Variants in SLC22A14 observed in about 807,000 individuals in gnomAD.
The protein encoded by SLC22A14 is organic cation transporter-like 4.
In SLC22A14, 50 loss-of-function variants were observed where a neutral mutation model predicts 53.9. The ratio of observed to expected loss-of-function variants is 0.93; its 90% CI spans 0.74 to 1.17. The LOEUF (loss-of-function observed/expected upper bound fraction) is 1.17, where lower values mean the gene tolerates loss of function less well. Among genes scored for constraint, SLC22A14 ranks in the 50% most tolerant of loss-of-function variants. SLC22A14 has a pLI of 0.00. For synonymous variants in SLC22A14, 312 were observed against 303.0 expected, an observed-to-expected ratio of 1.03 and a Z score of -0.31; for missense variants, 671 against 734.7, an observed-to-expected ratio of 0.91 and a Z score of 1.00.
At chr3:38,299,534 C>T (rs1704114273) in intron 1 of SLC22A14, among the ~76,000 whole-genome samples, 1 of 152,172 alleles carries the variant, frequency 6.6e-6, no homozygotes, top group Non-Finnish European at 1.5e-5. Context: ...AATGAATAGA[C>T]ATTTTCCTCA....
chr3:38,308,613 A>AT (rs1704380849), intron 4 of SLC22A14, among the ~76,000 whole-genome samples: 1 of 152,210 alleles, frequency 6.6e-6, no homozygotes, highest in Admixed American at 6.5e-5. Flanking sequence ...AACAAGGACA[A>AT]TGATTCCTTG....
chr3:38,289,782 C>T (rs1003802063), intron 1 of SLC22A14, among the ~76,000 whole-genome samples: 2 of 152,276 alleles, frequency 1.3e-5, no homozygotes, highest in Non-Finnish European at 2.9e-5. Flanking sequence ...TCTGCAACAG[C>T]GACAAACAGC....
chr3:38,288,531 CT>C (rs1703839324), intron 1 of SLC22A14, among the ~76,000 whole-genome samples: 1 of 152,196 alleles, frequency 6.6e-6, no homozygotes, highest in African/African-American at 2.4e-5. Flanking sequence ...TGGCTACACC[CT>C]TTTACATTCC....
In SLC22A14 at chr3:38,316,496, G is replaced by A. The variant is rs113778244; in HGVS notation, c.1705G>A (p.Glu569Lys). Residue 569 changes from glutamate (E) to lysine (K), a missense_variant, in exon 10 of 11, where the codon GAG becomes AAG. Coordinates refer to ENST00000448498, the MANE Select transcript of SLC22A14 (RefSeq NM_001320033.2). ...LPETRDQPLSESLNHSSQIRN... is the reference protein window; with the variant it reads ...LPETRDQPLSKSLNHSSQIRN... Reference sequence around the variant, plus strand: ...GGAAACGCGAGATCAGCCCCTCTCCGAGAGCCTGAACCACTCCTCACAGAT... The same window carrying A: ...GGAAACGCGAGATCAGCCCCTCTCCAAGAGCCTGAACCACTCCTCACAGAT... The A allele has an allele frequency of 2.3e-4, 373 of 1,614,076 alleles. No individual in the cohort carries two copies. The African/African-American group carries it at 4.2e-3, about 18-fold the overall frequency.
At chr3:38,314,692 G>A (rs1704574378) in intron 8 of SLC22A14, among the ~76,000 whole-genome samples, 1 of 152,200 alleles carries the variant, frequency 6.6e-6, no homozygotes, top group South Asian at 2.1e-4. Flanking sequence ...CTCCAGGGCT[G>A]GAATTGTGTG....
At chr3:38,283,765 G>A (rs1388940014) in intron 1 of SLC22A14, among the ~76,000 whole-genome samples, 2 of 150,874 alleles carry the variant, frequency 1.3e-5, no homozygotes, top group Non-Finnish European at 3.0e-5. Context: ...AGGAAGCAGA[G>A]GGTGCAGTAA....
At chr3:38,313,585 C>T (rs1704534088) in intron 7 of SLC22A14, 100 bp downstream of exon 7, 1 of 1,003,932 alleles carries the variant, frequency 1.0e-6, no homozygotes. Context: ...GGAGGCAGCC[C>T]AAGGACACAG....
At chr3:38,311,980 G>A (rs927171563) in intron 5 of SLC22A14, among the ~76,000 whole-genome samples, 1 of 152,156 alleles carries the variant, frequency 6.6e-6, no homozygotes, top group Non-Finnish European at 1.5e-5. Flanking sequence ...CTTTCTTTAG[G>A]AGAGTTCCAC....
At chr3:38,281,757 A>T (rs1350184009), upstream of SLC22A14, among the ~76,000 whole-genome samples, 1 of 152,212 alleles carries the variant, frequency 6.6e-6, no homozygotes, top group Non-Finnish European at 1.5e-5. Flanking sequence ...TTGAGGTCCT[A>T]AGTACATGCT....
chr3:38,289,456 T>G (rs1423248336), intron 1 of SLC22A14, among the ~76,000 whole-genome samples: 1 of 152,100 alleles, frequency 6.6e-6, no homozygotes, highest in African/African-American at 2.4e-5. Context: ...GCTCCCAAGA[T>G]GGTGGCGGGC....
intron 1 of SLC22A14, among the ~76,000 whole-genome samples, chr3:38,284,756 TAAA>T (rs58028334): frequency 6.9e-6 from 1 of 145,396 alleles, no homozygotes. Context: ...CCCACAAAAT[TAAA>T]AAAAAAAAAT....
At chr3:38,312,177 A>C (rs996375805) in intron 5 of SLC22A14, among the ~76,000 whole-genome samples, 4 of 152,132 alleles carry the variant, frequency 2.6e-5, no homozygotes, top group African/African-American at 9.7e-5. Flanking sequence ...TTAAAAAGTT[A>C]TACCACCTTA....
intron 1 of SLC22A14, among the ~76,000 whole-genome samples, chr3:38,297,514 A>G (rs1276067340): frequency 6.6e-6 from 1 of 152,016 alleles, no homozygotes; most frequent in East Asian, 1.9e-4. Context: ...CAGATTTGTT[A>G]CACAGGTAAA....
At chr3:38,315,409 C>T in intron 8 of SLC22A14, 149 bp from the exon 9 acceptor site, 1 of 811,036 alleles carries the variant, frequency 1.2e-6, no homozygotes, top group Non-Finnish European at 1.9e-6. Context: ...TGCCTTCCAG[C>T]CTGGCTGGGC....
chr3:38,284,814 G>A (rs1192787424), intron 1 of SLC22A14, among the ~76,000 whole-genome samples: 1 of 152,010 alleles, frequency 6.6e-6, no homozygotes, highest in Non-Finnish European at 1.5e-5. Flanking sequence ...CGAAATGACC[G>A]AAAAGCAATA....
intron 10 of SLC22A14, 80 bp downstream of exon 10, chr3:38,316,604 G>A: frequency 7.9e-7 from 1 of 1,260,880 alleles, no homozygotes; most frequent in Non-Finnish European, 1.1e-6. Flanking sequence ...GCGGGACATT[G>A]TCCATCCCCG....
intron 1 of SLC22A14, among the ~76,000 whole-genome samples, chr3:38,296,454 C>T (rs1439986487): frequency 6.6e-6 from 1 of 152,214 alleles, no homozygotes; most frequent in African/African-American, 2.4e-5. Context: ...TGGTATTTTC[C>T]TCCAATTCTA....
intron 1 of SLC22A14, among the ~76,000 whole-genome samples, chr3:38,285,163 A>G (rs920948978): frequency 5.9e-5 from 9 of 152,188 alleles, no homozygotes; most frequent in Non-Finnish European, 1.2e-4. Context: ...GAAAATACTA[A>G]GAGCAAGTAG....
intron 1 of SLC22A14, among the ~76,000 whole-genome samples, chr3:38,295,776 GTCTCTGTCTGTCTCTC>G (rs982215102): frequency 7.3e-5 from 10 of 137,538 alleles, no homozygotes; most frequent in Admixed American, 1.5e-4. Context: ...CTCTCTGTCT[GTCTCTGTCTGTCTCTC>G]TCTCTGTCTG....
Sources: allele counts gnomAD v4.1 joint callset (sites outside exome capture counted in the v4.1 genomes callset), GRCh38; gene constraint gnomAD v4.1.1; transcripts MANE v1.5; gene names NCBI Gene and HGNC (gene_info 2026-07-23, HGNC 2026-07-21).